Variants in RCSD1 observed in about 807,000 individuals in gnomAD.
The protein encoded by RCSD1 is capZ-interacting protein.
In RCSD1, 26 loss-of-function variants were observed where a neutral mutation model predicts 42.5. That is an observed-to-expected ratio of 0.61 (90% CI 0.45 to 0.85). RCSD1 has a LOEUF of 0.85. Among genes scored for constraint, RCSD1 ranks in the 40% least tolerant of loss-of-function variants. RCSD1 has a pLI of 0.00. For missense variants in RCSD1, 571 were observed against 528.3 expected (o/e 1.08, Z -0.79); for synonymous variants, 220 against 212.2 (o/e 1.04, Z -0.32).
At chr1:167,647,452 G>A (rs921456265) in intron 1 of RCSD1, among the ~76,000 whole-genome samples, 1 of 152,026 alleles carries the variant, frequency 6.6e-6, no homozygotes, top group Admixed American at 6.6e-5. Flanking sequence ...GCAGTGCATG[G>A]TGGTCTACCT....
intron 1 of RCSD1, among the ~76,000 whole-genome samples, chr1:167,638,153 C>A (rs1189281233): frequency 6.6e-6 from 1 of 152,192 alleles, no homozygotes; most frequent in Admixed American, 6.5e-5. Flanking sequence ...CCACCACGAC[C>A]TCCATCTCTG....
chr1:167,704,816 G>C lies in RCSD1; in HGVS notation c.*120G>C, dbSNP rs1425996985. On this transcript the variant is annotated 3_prime_UTR_variant, in exon 7 of 7. Coordinates refer to ENST00000367854, the MANE Select transcript of RCSD1 (RefSeq NM_052862.4). ...AGAGGCAGAATATGCTGAGTGTCTG[G>C]AGTCAGCCTGAAGACACAGGGTGGA... 5.3e-6 allele frequency: 5 copies of C among 952,356 alleles called. No homozygotes were observed. Among genetic ancestry groups the C allele is most frequent in the Non-Finnish European group, 8.2e-6 (5 of 611,124 alleles). The allele number at this position is 952,356 out of a possible 1,614,324, so 59.0% of individuals were successfully genotyped here.
intron 3 of RCSD1, among the ~76,000 whole-genome samples, chr1:167,689,230 G>A (rs1306150853): frequency 1.3e-5 from 2 of 152,156 alleles, no homozygotes; most frequent in African/African-American, 4.8e-5. Flanking sequence ...GCTCACGCCT[G>A]TAATCCCAGC....
chr1:167,665,784 T>C (rs973089118), intron 1 of RCSD1, among the ~76,000 whole-genome samples: 14 of 152,302 alleles, frequency 9.2e-5, no homozygotes, highest in African/African-American at 3.4e-4. Context: ...CCATTTTTAC[T>C]ATTGTCTCAT....
intron 1 of RCSD1, among the ~76,000 whole-genome samples, chr1:167,647,696 A>T (rs1218254213): frequency 1.3e-5 from 2 of 152,198 alleles, no homozygotes; most frequent in East Asian, 3.9e-4. Flanking sequence ...CTGTGATCAT[A>T]CCACTGCACT....
chr1:167,694,267 C>T lies in RCSD1; in HGVS notation c.439C>T (p.Pro147Ser), dbSNP rs766372139. Residue 147 changes from proline to serine, a missense_variant, in exon 5 of 7, where the codon CCC (proline) becomes TCC (serine). Coordinates refer to ENST00000367854, the MANE Select transcript of RCSD1 (RefSeq NM_052862.4). ...AEEVPVSFDQ[P>S]PEGSHLPCYN... is the part of the protein sequence containing the mutation. ...GGAGGTGCCTGTCAGCTTCGACCAG[C>T]CCCCTGAAGGCAGTCATCTGCCCTG... 1 of 1,614,158 alleles carries T rather than the reference C, an allele frequency of 6.2e-7. No homozygotes were observed. The highest frequency in any genetic ancestry group is 8.5e-7 in the Non-Finnish European group (1 of 1,180,038).
intron 4 of RCSD1, among the ~76,000 whole-genome samples, chr1:167,691,137 G>A (rs985475311): frequency 1.3e-5 from 2 of 152,158 alleles, no homozygotes; most frequent in Non-Finnish European, 2.9e-5. Flanking sequence ...GGGCTGTCTC[G>A]TGCACGGCAA....
intron 6 of RCSD1, among the ~76,000 whole-genome samples, chr1:167,700,283 A>G (rs963287509): frequency 5.9e-5 from 9 of 152,146 alleles, no homozygotes; most frequent in African/African-American, 2.2e-4. Flanking sequence ...GTGAGTCCCA[A>G]AGACTCATAA....
chr1:167,699,981 T>A (rs1352190436), intron 6 of RCSD1, among the ~76,000 whole-genome samples: 1 of 152,232 alleles, frequency 6.6e-6, no homozygotes, highest in Non-Finnish European at 1.5e-5. Flanking sequence ...ACTTTTATCA[T>A]AGAACACATC....
chr1:167,666,472 G>T (rs2102218139), intron 1 of RCSD1, among the ~76,000 whole-genome samples: 1 of 152,364 alleles, frequency 6.6e-6, no homozygotes, highest in Middle Eastern at 3.4e-3. Flanking sequence ...TCTAAAGAGA[G>T]ACAGTGAGCA....
chr1:167,691,458 G>A (rs1263542482), intron 4 of RCSD1, among the ~76,000 whole-genome samples: 1 of 152,240 alleles, frequency 6.6e-6, no homozygotes, highest in East Asian at 1.9e-4. Flanking sequence ...GCGGAGGAGA[G>A]GCAGGCATGT....
chr1:167,637,792 C>T (rs1657899430), intron 1 of RCSD1, among the ~76,000 whole-genome samples: 1 of 152,070 alleles, frequency 6.6e-6, no homozygotes, highest in Non-Finnish European at 1.5e-5. Flanking sequence ...CACACTTCCA[C>T]CTGCAGCCCC....
rs758907283 is a variant in RCSD1, at chr1:167,697,498, G to A, written c.874G>A (p.Ala292Thr). 1 of 1,607,688 alleles carries A rather than the reference G, an allele frequency of 6.2e-7. No homozygotes were observed. Among genetic ancestry groups the A allele is most frequent in the Admixed American group, 1.7e-5 (1 of 58,684 alleles). ...ATCGCCCCAGACCTCTGGCCCAGAG[G>A]CAGAAAATAGGTGTGGGAGCCCCAG... The part of the protein sequence containing the change: ...PESPQTSGPE[A>T]ENRCGSPREE... The change falls in exon 6 of 7, where the codon GCA (alanine) becomes ACA (threonine). Residue 292 changes from alanine (A) to threonine (T), a missense_variant. By Grantham distance (58) the Ala-to-Thr change is moderately conservative. Coordinates refer to ENST00000367854, the MANE Select transcript of RCSD1 (RefSeq NM_052862.4).
At chr1:167,666,607 C>A (rs944792154) in intron 1 of RCSD1, among the ~76,000 whole-genome samples, 2 of 152,124 alleles carry the variant, frequency 1.3e-5, no homozygotes, top group African/African-American at 4.8e-5. Context: ...GAATGCTTTC[C>A]GTCAGCCCTG....
chr1:167,690,744 G>A (rs1571101167), intron 4 of RCSD1, among the ~76,000 whole-genome samples: 1 of 152,150 alleles, frequency 6.6e-6, no homozygotes, highest in East Asian at 1.9e-4. Context: ...CTTTGAAATA[G>A]CCAACGCCTC....
chr1:167,668,271 CA>C (rs1658708727), intron 1 of RCSD1, among the ~76,000 whole-genome samples: 1 of 151,344 alleles, frequency 6.6e-6, no homozygotes, highest in Non-Finnish European at 1.5e-5. Flanking sequence ...GGCAACAGAG[CA>C]AGACTCCGTC....
chr1:167,703,224 A>G (rs986678728), intron 6 of RCSD1, among the ~76,000 whole-genome samples: 2 of 151,852 alleles, frequency 1.3e-5, no homozygotes, highest in Non-Finnish European at 2.9e-5. Flanking sequence ...TCCCACCTCA[A>G]TCATCCCTCA....
chr1:167,687,169 C>T (rs1659254238), intron 3 of RCSD1, among the ~76,000 whole-genome samples: 1 of 152,200 alleles, frequency 6.6e-6, no homozygotes, highest in Non-Finnish European at 1.5e-5. Context: ...CCTGGAGTGA[C>T]AGGCTGCTCG....
intron 1 of RCSD1, among the ~76,000 whole-genome samples, chr1:167,632,296 T>C (rs767394932): frequency 4.9e-4 from 75 of 152,228 alleles, no homozygotes; most frequent in Non-Finnish European, 8.4e-4. Context: ...ATGTATGGCC[T>C]GTCTAACCTC....
Sources: gnomAD v4.1 joint callset for allele counts (sites outside exome capture counted in the v4.1 genomes callset) on GRCh38, gnomAD v4.1.1 for gene constraint, MANE v1.5 for transcripts, NCBI Gene and HGNC (gene_info 2026-07-23, HGNC 2026-07-21) for gene names.